The following NBEA variants were observed in gnomAD, a reference collection of about 807,000 sequenced individuals.
The protein encoded by NBEA is lysosomal-trafficking regulator 2.
A neutral mutation model predicts 343.4 loss-of-function variants in NBEA; 44 were observed. The ratio of observed to expected loss-of-function variants is 0.13; its 90% confidence interval spans 0.10 to 0.16. NBEA has a LOEUF of 0.16. Ranked by LOEUF, NBEA falls within the 10% of genes least tolerant of loss-of-function variation. The pLI, the probability that NBEA is intolerant of heterozygous loss-of-function variation, is 1.00. For synonymous variants in NBEA, 1,175 were observed against 1,238.7 expected (o/e 0.95, Z 1.08); for missense variants, 2,555 against 3,631.3 (o/e 0.70, Z 7.62).
At chr13:35,413,514 T>C (rs1440658504) in intron 38 of NBEA, among the ~76,000 whole-genome samples, 10 of 152,126 alleles carry the variant, frequency 6.6e-5, no homozygotes, top group Middle Eastern at 3.2e-3. Context: ...GGGGAACCAT[T>C]CCTGAGGGGC....
chr13:35,658,331 A>G (rs182184539), intron 55 of NBEA, among the ~76,000 whole-genome samples: 2 of 152,322 alleles, frequency 1.3e-5, no homozygotes, highest in East Asian at 3.9e-4. Context: ...CATAGAATCC[A>G]TCCTGTCAAG....
At position 35,061,026 on chromosome 13, in the gene NBEA, T is replaced by A. The variant is rs1166717053; in HGVS notation, c.1239+2163T>A. ...TTTCATTGTAATGGTCAGACAATAT[T>A]TATGATTCTGAGCTTAGTGTAGATA... On this transcript the variant is annotated intron_variant, in intron 8 of 58. Coordinates refer to ENST00000379939, the MANE Select transcript of NBEA (RefSeq NM_001385012.1). 3.3e-5 allele frequency among the ~76,000 whole-genome samples: 5 copies of A among 151,746 alleles called. No individual in the cohort carries two copies. In the East Asian group the frequency reaches 9.6e-4, roughly 29 times the overall value.
At position 34,942,912 on chromosome 13, in the gene NBEA, G is replaced by C; in HGVS notation, c.92G>C (p.Gly31Ala). ...AVGAAGGGGG[G>A]SGGGGTGGSG... is the part of the protein sequence containing the mutation. ...GGGGCCGCTGGCGGAGGCGGCGGGG[G>C]CAGCGGTGGTGGCGGCACCGGGGGC... Residue 31 changes from glycine to alanine, a missense_variant, in exon 1 of 59, where the codon GGC becomes GCC. By Grantham distance (60) the Gly-to-Ala change is moderately conservative. This residue lies in a region of NBEA where 122 missense variants were observed against 91.0 expected (regional missense o/e 1.34). Transcript: ENST00000379939. 6.7e-7 allele frequency: 1 copy of C among 1,503,342 alleles called. No individual in the cohort carries two copies. Among genetic ancestry groups the C allele is most frequent in the Non-Finnish European group, 8.9e-7 (1 of 1,123,012 alleles). The allele number at this position is 1,503,342 out of a possible 1,614,324, so 93.1% of individuals were successfully genotyped here. A position where few individuals can be genotyped will look rare whatever the true frequency, so the allele number is the denominator to read the frequency against.
At chr13:35,385,195 G>A (rs1594434860) in intron 38 of NBEA, among the ~76,000 whole-genome samples, 1 of 152,080 alleles carries the variant, frequency 6.6e-6, no homozygotes, top group East Asian at 1.9e-4. Context: ...GTTGGCTTGA[G>A]TTTCTGTATG....
At position 34,980,066 on chromosome 13, in the gene NBEA, C is replaced by T. The variant is rs186270826; in HGVS notation, c.294+36952C>T. On this transcript the variant is annotated intron_variant, in intron 1 of 58. Transcript: ENST00000379939. ...TTGATCCATTTGTTGGTCTTTATGT[C>T]AGTACTGTGGTGTACTGTGGTGTCT... Among the ~76,000 whole-genome samples the T allele has an allele frequency of 1.2e-3, 177 of 152,220 alleles. 1 individual carries two copies. Among genetic ancestry groups the T allele is most frequent in the African/African-American group, 4.1e-3 (169 of 41,546 alleles).
Position 35,550,581 on chromosome 13 carries a change from T to C in NBEA, c.6690T>C (p.Phe2230=), listed in dbSNP as rs1267683103. 1 of 1,606,908 alleles carries C rather than the reference T, an allele frequency of 6.2e-7. No individual in the cohort carries two copies. Among genetic ancestry groups the C allele is most frequent in the Non-Finnish European group, 8.5e-7 (1 of 1,174,122 alleles). The stretch of plus-strand genomic sequence containing the variant: ...TACAAAACACTGCTTTGGAAGTATT[T>C]ATGGCAAACCGAAGTAAGTCCCCTT... The part of the protein sequence containing the change: ...YLLQNTALEV[F]MANRTSVMFN... The change falls in exon 42 of 59, where the codon TTT becomes TTC. Residue 2230 remains phenylalanine, a synonymous_variant. Coordinates refer to ENST00000379939, the MANE Select transcript of NBEA (RefSeq NM_001385012.1).
chr13:35,014,403 T>G (rs143172208), intron 1 of NBEA, among the ~76,000 whole-genome samples: 707 of 152,304 alleles, frequency 4.6e-3, no homozygotes, highest in Non-Finnish European at 7.5e-3. Context: ...CCAAAGTTGT[T>G]GCATACTTCA....
At chr13:35,264,298 G>T (rs1156457141) in intron 34 of NBEA, among the ~76,000 whole-genome samples, 1 of 151,848 alleles carries the variant, frequency 6.6e-6, no homozygotes, top group Non-Finnish European at 1.5e-5. Flanking sequence ...CCCAGGATCT[G>T]ATGGCTTTTC....
chr13:34,943,165 G>A, intron 1 of NBEA, 51 bp downstream of exon 1: 1 of 1,597,196 alleles, frequency 6.3e-7, no homozygotes, highest in East Asian at 2.3e-5. Flanking sequence ...CACATACACC[G>A]TCCCCAGCGC....
chr13:35,422,318 T>G (rs1291544339), intron 38 of NBEA, among the ~76,000 whole-genome samples: 2 of 102,318 alleles, frequency 2.0e-5, no homozygotes, highest in Non-Finnish European at 3.8e-5. Context: ...CCCACAACAG[T>G]CCCCAGTGTG....
intron 38 of NBEA, among the ~76,000 whole-genome samples, chr13:35,373,975 G>A (rs1013800058): frequency 1.3e-5 from 2 of 152,036 alleles, no homozygotes; most frequent in Non-Finnish European, 2.9e-5. Context: ...CTTAGTTATT[G>A]TAGCCTCCTT....
At chr13:35,071,026 G>A (rs1464740183) in intron 10 of NBEA, 174 bp downstream of exon 10, 5 of 550,568 alleles carry the variant, frequency 9.1e-6, no homozygotes, top group Admixed American at 4.2e-5. Flanking sequence ...TAAAGAAAAC[G>A]CTGACATTTA....
At chr13:35,012,359 C>CA (rs1234796686) in intron 1 of NBEA, among the ~76,000 whole-genome samples, 2 of 152,192 alleles carry the variant, frequency 1.3e-5, no homozygotes, top group Non-Finnish European at 2.9e-5. Flanking sequence ...TGGCATTAAT[C>CA]AACTCGCTCC....
Position 35,618,392 on chromosome 13 carries a change from T to C in NBEA, c.7450-9689T>C, listed in dbSNP as rs148445357. 3.1e-3 allele frequency among the ~76,000 whole-genome samples: 478 copies of C among 152,362 alleles called. 2 individuals carry two copies. The highest frequency in any genetic ancestry group is 0.011 in the African/African-American group (451 of 41,580). The stretch of plus-strand genomic sequence containing the variant: ...TATTTGATGCATTTGTAGCAGACTT[T>C]ACATGTCTACAACCTAATTTCATTT... On this transcript the variant is annotated intron_variant, in intron 48 of 58. Coordinates refer to ENST00000379939, the MANE Select transcript of NBEA (RefSeq NM_001385012.1).
At chr13:35,139,755 T>G (rs994867635) in intron 17 of NBEA, among the ~76,000 whole-genome samples, 5 of 143,674 alleles carry the variant, frequency 3.5e-5, no homozygotes, top group East Asian at 4.1e-4. Context: ...TTTTTTTTTT[T>G]TTTTTTTTTT....
intron 1 of NBEA, among the ~76,000 whole-genome samples, chr13:34,962,566 C>T (rs1178187077): frequency 6.6e-6 from 1 of 151,988 alleles, no homozygotes; most frequent in Non-Finnish European, 1.5e-5. Context: ...GTTGAGGAAA[C>T]AATTATTAGA....
At chr13:35,127,129 A>G (rs2067176281) in intron 17 of NBEA, among the ~76,000 whole-genome samples, 1 of 152,170 alleles carries the variant, frequency 6.6e-6, no homozygotes, top group South Asian at 2.1e-4. Context: ...ACTGGACTTA[A>G]ATAGAAGAAT....
chr13:35,490,210 C>T (rs145085859), intron 41 of NBEA, among the ~76,000 whole-genome samples: 1 of 152,006 alleles, frequency 6.6e-6, no homozygotes, highest in African/African-American at 2.4e-5. Flanking sequence ...ATAGTGGAGC[C>T]ACTTCAGCTA....
intron 41 of NBEA, among the ~76,000 whole-genome samples, chr13:35,486,188 A>G (rs1316390511): frequency 1.3e-5 from 2 of 152,114 alleles, no homozygotes; most frequent in African/African-American, 2.4e-5. Flanking sequence ...TTTAGAGAAT[A>G]ATTGTTGCTA....
Sources: allele counts gnomAD v4.1 joint callset (sites outside exome capture counted in the v4.1 genomes callset), GRCh38; gene constraint gnomAD v4.1.1; regional missense constraint gnomAD v4.1.1; transcripts MANE v1.5; gene names NCBI Gene and HGNC (gene_info 2026-07-23, HGNC 2026-07-21).